The following ESR1 variants were observed in gnomAD, a reference collection of about 807,000 sequenced individuals.
The protein encoded by ESR1 is estrogen receptor.
A neutral mutation model predicts 52.7 loss-of-function variants in ESR1; 12 were observed. The observed-to-expected ratio is 0.23, with a 90% CI of 0.15 to 0.37. ESR1 has a LOEUF of 0.37. Ranked by LOEUF, ESR1 falls within the 10% of genes least tolerant of loss-of-function variation. ESR1 has a pLI of 1.00. For synonymous variants in ESR1, 305 were observed against 316.8 expected, an observed-to-expected ratio of 0.96 and a Z score of 0.39; for missense variants, 584 against 779.7, an observed-to-expected ratio of 0.75 and a Z score of 2.99.
At chr6:151,970,831 C>G (rs1467482492) in intron 4 of ESR1, among the ~76,000 whole-genome samples, 1 of 152,180 alleles carries the variant, frequency 6.6e-6, no homozygotes. Context: ...TCATTCTCTC[C>G]CCTTCAGAGT....
chr6:151,667,351 G>C (rs1176502686), intron 1 of ESR1, among the ~76,000 whole-genome samples: 1 of 152,122 alleles, frequency 6.6e-6, no homozygotes, highest in Admixed American at 6.5e-5. Context: ...AGTAGCCCTC[G>C]AACCTAGCAC....
chr6:151,934,451 TA>T (rs2034106522), intron 3 of ESR1, among the ~76,000 whole-genome samples: 1 of 152,222 alleles, frequency 6.6e-6, no homozygotes, highest in Non-Finnish European at 1.5e-5. Context: ...ATGAATAAAA[TA>T]AAATTAAAAT....
rs773649436 is a variant in ESR1 at position 152,094,642 on chromosome 6, G to A, written c.1553+74G>A. 72 of 1,384,908 alleles carry A rather than the reference G, an allele frequency of 5.2e-5. No individual in the cohort carries two copies. Among genetic ancestry groups the A allele is most frequent in the Admixed American group, 1.5e-4 (8 of 53,824 alleles). 85.8% of individuals were successfully genotyped at this position (1,384,908 alleles called of 1,614,324 possible). On this transcript the variant is annotated intron_variant, in intron 7 of 7. Transcript: ENST00000206249. This position sits in a 1 kb window ranked among gnomAD's most constrained non-coding sequence, Gnocchi z 4.6. The stretch of plus-strand genomic sequence containing the variant: ...CCCCAAACCTATGTGACAGCTGGCC[G>A]GGAAGGACTGGTGCCTGCATATGGA...
chr6:152,084,431 A>G (rs1176536312), intron 6 of ESR1, among the ~76,000 whole-genome samples: 1 of 151,630 alleles, frequency 6.6e-6, no homozygotes, highest in Non-Finnish European at 1.5e-5. Context: ...TAAAAAAAAA[A>G]GAAAGAAAAG....
At chr6:152,076,342 A>G (rs1277053186) in intron 6 of ESR1, among the ~76,000 whole-genome samples, 1 of 152,144 alleles carries the variant, frequency 6.6e-6, no homozygotes, top group Admixed American at 6.5e-5. Flanking sequence ...TCCCACCATG[A>G]TTCTGAATTC....
chr6:151,983,720 A>T (rs2040201628), intron 4 of ESR1, among the ~76,000 whole-genome samples: 2 of 152,108 alleles, frequency 1.3e-5, no homozygotes, highest in African/African-American at 4.8e-5. Context: ...TTGGCATTTC[A>T]GCTGTCAACC....
intron 2 of ESR1, among the ~76,000 whole-genome samples, chr6:151,708,939 G>A (rs1231781611): frequency 2.0e-5 from 3 of 152,086 alleles, no homozygotes; most frequent in Non-Finnish European, 2.9e-5. Context: ...TAATTAACAT[G>A]TGCGTTACCT....
chr6:151,661,678 A>C (rs1582832660), intron 1 of ESR1, among the ~76,000 whole-genome samples: 1 of 152,156 alleles, frequency 6.6e-6, no homozygotes, highest in East Asian at 1.9e-4. Context: ...CTTATCTTGA[A>C]TTGTGATCCC....
At chr6:151,832,969 G>C (rs1782691874) in intron 1 of ESR1, among the ~76,000 whole-genome samples, 1 of 152,190 alleles carries the variant, frequency 6.6e-6, no homozygotes, top group Non-Finnish European at 1.5e-5. Context: ...GTAGTTATAT[G>C]ATGATGATAA....
rs4986934 is a variant in ESR1, at chr6:151,880,740, T to C, written c.729T>C (p.Arg243=). 1,549,642 of 1,609,552 alleles carry C rather than the reference T, an allele frequency of 0.96. 746,158 individuals are homozygous for C. The highest frequency in any genetic ancestry group is 1 in the East Asian group (44,829 of 44,852). Reference sequence around the variant, plus strand: ...AGAGCTGCCAGGCCTGCCGGCTCCGTAAATGCTACGAAGTGGGAATGATGA... The same window carrying C: ...AGAGCTGCCAGGCCTGCCGGCTCCGCAAATGCTACGAAGTGGGAATGATGA... ...RRKSCQACRL[R]KCYEVGMMKG... The change falls in exon 3 of 8, where the codon CGT becomes CGC. Residue 243 remains arginine, a synonymous_variant. Transcript: ENST00000206249.
At chr6:151,893,353 A>G (rs1005210143) in intron 3 of ESR1, among the ~76,000 whole-genome samples, 1 of 152,174 alleles carries the variant, frequency 6.6e-6, no homozygotes, top group Non-Finnish European at 1.5e-5. Context: ...CATCTCAAAA[A>G]AAGAAAAGAA....
At chr6:151,933,267 G>A (rs1218470059) in intron 3 of ESR1, among the ~76,000 whole-genome samples, 1 of 148,890 alleles carries the variant, frequency 6.7e-6, no homozygotes, top group Non-Finnish European at 1.5e-5. Context: ...TCTGTTGTTG[G>A]TGTATAAGAA....
At chr6:151,894,764 G>A (rs754713632) in intron 3 of ESR1, among the ~76,000 whole-genome samples, 25 of 152,224 alleles carry the variant, frequency 1.6e-4, no homozygotes, top group Middle Eastern at 3.4e-3. Context: ...TTTTATACCA[G>A]TACCATGCTG....
chr6:152,081,104 T>C (rs573306568), intron 6 of ESR1, among the ~76,000 whole-genome samples: 25 of 152,202 alleles, frequency 1.6e-4, no homozygotes, highest in African/African-American at 5.5e-4. Flanking sequence ...GGACTTGAAC[T>C]CAGCTCTAGA....
intron 2 of ESR1, among the ~76,000 whole-genome samples, chr6:151,787,881 T>C (rs747100934): frequency 1.3e-5 from 2 of 152,218 alleles, no homozygotes; most frequent in Non-Finnish European, 2.9e-5. Context: ...TCTAATACTA[T>C]GTTGAATAGG....
At chr6:151,778,832 T>G (rs1786263913) in intron 2 of ESR1, among the ~76,000 whole-genome samples, 1 of 152,236 alleles carries the variant, frequency 6.6e-6, no homozygotes, top group African/African-American at 2.4e-5. Flanking sequence ...ATACTTTTTT[T>G]GCCAAAAAAT....
At position 151,778,117 on chromosome 6, in the gene ESR1, G is replaced by A. The variant is rs149836566; in HGVS notation, c.-70-29726G>A. 6.2e-3 allele frequency among the ~76,000 whole-genome samples: 943 copies of A among 152,216 alleles called. 7 individuals carry two copies. The highest frequency in any genetic ancestry group is 0.021 in the African/African-American group (892 of 41,520). On this transcript the variant is annotated intron_variant, in intron 2 of 2. Coordinates refer to the ESR1 transcript ENST00000404742. ...GTTTCCACTTTCTTCGGAAAATCAC[G>A]ACAGTCCTTGTTCTCAATTTCTTTG... is the stretch of plus-strand genomic sequence containing the variant.
At chr6:151,718,955 A>G (rs1448305848) in intron 2 of ESR1, among the ~76,000 whole-genome samples, 1 of 152,088 alleles carries the variant, frequency 6.6e-6, no homozygotes. Context: ...AATCAGTTGG[A>G]GGTGAGGAAA....
chr6:151,694,034 G>T (rs559598812), intron 1 of ESR1, among the ~76,000 whole-genome samples: 20 of 152,322 alleles, frequency 1.3e-4, no homozygotes, highest in African/African-American at 4.6e-4. Context: ...AGCACCTAAG[G>T]TTGGGGCAGC....
Sources: gnomAD v4.1 joint callset for allele counts (sites outside exome capture counted in the v4.1 genomes callset) on GRCh38, gnomAD v4.1.1 for gene constraint, Gnocchi (gnomAD v3.1) non-coding constraint, MANE v1.5 for transcripts, NCBI Gene and HGNC (gene_info 2026-07-23, HGNC 2026-07-21) for gene names.